Variants in PHACTR4 observed in about 807,000 individuals in gnomAD.
PHACTR4 encodes the protein phosphatase and actin regulator 4.
PHACTR4 carries 51 observed loss-of-function variants against 72.7 expected under a neutral mutation model. That is an observed-to-expected ratio of 0.70 (90% CI 0.56 to 0.89). PHACTR4 has a LOEUF of 0.89. Among genes scored for constraint, PHACTR4 ranks in the 40% least tolerant of loss-of-function variants. The probability of loss-of-function intolerance (pLI) is 0.00; values close to 1 mark genes in which losing one functional copy is unlikely to be tolerated. For missense variants in PHACTR4, 731 were observed against 861.8 expected, an observed-to-expected ratio of 0.85 and a Z score of 1.90; for synonymous variants, 255 against 302.5, an observed-to-expected ratio of 0.84 and a Z score of 1.63.
At chr1:28,479,825 G>C (rs373114774) in intron 8 of PHACTR4, among the ~76,000 whole-genome samples, 2 of 152,222 alleles carry the variant, frequency 1.3e-5, no homozygotes, top group East Asian at 3.9e-4. Context: ...CCTGGGAGGC[G>C]GAGGTTGCAA....
chr1:28,466,794 G>A (rs2124485538), intron 6 of PHACTR4, 26 bp downstream of exon 6: 1 of 1,584,612 alleles, frequency 6.3e-7, no homozygotes, highest in East Asian at 2.2e-5. Context: ...GGCTTCCAGT[G>A]TTTTGGGTTT....
intron 12 of PHACTR4, among the ~76,000 whole-genome samples, chr1:28,492,355 T>C (rs1380213587): frequency 6.6e-6 from 1 of 151,752 alleles, no homozygotes; most frequent in African/African-American, 2.4e-5. Flanking sequence ...GAGAATTGCT[T>C]GAACCTAGGA....
chr1:28,400,761 G>A (rs1653884282), intron 1 of PHACTR4, among the ~76,000 whole-genome samples: 2 of 152,030 alleles, frequency 1.3e-5, no homozygotes, highest in Non-Finnish European at 2.9e-5. Flanking sequence ...TGTAGTTTTA[G>A]TAGAGACGGG....
rs575574667 is a variant in PHACTR4 at position 28,492,599 on chromosome 1, T to C, written c.2017-416T>C. 4.0e-5 allele frequency among the ~76,000 whole-genome samples: 6 copies of C among 151,800 alleles called. No homozygotes were observed. In the South Asian group the frequency reaches 1.2e-3, roughly 32 times the overall value. On this transcript the variant is annotated intron_variant, in intron 12 of 13. Transcript: ENST00000373839. ...CAACATGGTGAAACCCTGTCTGTAC[T>C]AAAAATACAAAATAGCCGGACGTGG... is the stretch of plus-strand genomic sequence containing the variant.
intron 13 of PHACTR4, among the ~76,000 whole-genome samples, chr1:28,494,674 GC>G (rs1334675089): frequency 1.3e-5 from 2 of 152,186 alleles, no homozygotes; most frequent in Non-Finnish European, 2.9e-5. Flanking sequence ...AGAAGGACCA[GC>G]TTAAGCAAGA....
Position 28,479,293 on chromosome 1 carries a change from G to C in PHACTR4, c.1607-1158G>C, listed in dbSNP as rs77563850. On this transcript the variant is annotated intron_variant, in intron 8 of 13. Coordinates refer to ENST00000373839, the MANE Select transcript of PHACTR4 (RefSeq NM_001048183.3). Reference sequence around the variant, plus strand: ...AAATTGGCTGAGCATGGTAGCAGGCGCCTGTAATCCCAGCTACTCAGGAGG... The same window carrying C: ...AAATTGGCTGAGCATGGTAGCAGGCCCCTGTAATCCCAGCTACTCAGGAGG... Among the ~76,000 whole-genome samples the C allele has an allele frequency of 2.1e-3, 314 of 152,002 alleles. 6 individuals carry two copies. In the East Asian group the frequency reaches 0.048, roughly 23 times the overall value.
chr1:28,394,378 AAAAGAAAAG>A (rs1653313358), intron 1 of PHACTR4, among the ~76,000 whole-genome samples: 1 of 149,982 alleles, frequency 6.7e-6, no homozygotes, highest in African/African-American at 2.5e-5. Context: ...AAAAAGAAAA[AAAAGAAAAG>A]AAATCCTCCT....
At chr1:28,479,377 G>A (rs1429742103) in intron 8 of PHACTR4, among the ~76,000 whole-genome samples, 1 of 144,226 alleles carries the variant, frequency 6.9e-6, no homozygotes, top group Non-Finnish European at 1.5e-5. Flanking sequence ...CCAAGACTGT[G>A]CCACTACACT....
chr1:28,440,394 C>CTTTTTT (rs1223295576), intron 2 of PHACTR4, among the ~76,000 whole-genome samples: 969 of 83,228 alleles, frequency 0.012, 154 homozygotes, highest in African/African-American at 0.027. Context: ...TTCATCAATT[C>CTTTTTT]TTTTTTTTTT....
intron 1 of PHACTR4, among the ~76,000 whole-genome samples, chr1:28,379,446 A>T (rs971929864): frequency 7.4e-6 from 1 of 135,988 alleles, no homozygotes. Context: ...CTGATTTTTT[A>T]AAATTTTTGT....
chr1:28,475,962 G>C (rs766890213), intron 7 of PHACTR4, 145 bp from the exon 8 acceptor site: 2 of 610,814 alleles, frequency 3.3e-6, no homozygotes, highest in Non-Finnish European at 5.3e-6. Flanking sequence ...CCTGACCTCA[G>C]GTGAATTTGC....
At chr1:28,395,633 C>G (rs1653434705) in intron 1 of PHACTR4, among the ~76,000 whole-genome samples, 1 of 138,840 alleles carries the variant, frequency 7.2e-6, no homozygotes, top group African/African-American at 2.9e-5. Context: ...TTTTCTTAAG[C>G]ATAACTTTTT....
intron 2 of PHACTR4, among the ~76,000 whole-genome samples, chr1:28,419,264 G>A (rs1159181474): frequency 1.3e-5 from 2 of 151,656 alleles, no homozygotes; most frequent in African/African-American, 2.4e-5. Flanking sequence ...GATTACAGGC[G>A]TGAGCGACCG....
chr1:28,397,977 TG>T (rs1653649090), intron 1 of PHACTR4, among the ~76,000 whole-genome samples: 1 of 151,882 alleles, frequency 6.6e-6, no homozygotes, highest in Non-Finnish European at 1.5e-5. Context: ...CCTCCCAAAG[TG>T]CTGGGATTAC....
At chr1:28,462,367 C>A (rs1439808107) in intron 4 of PHACTR4, among the ~76,000 whole-genome samples, 1 of 151,872 alleles carries the variant, frequency 6.6e-6, no homozygotes, top group Non-Finnish European at 1.5e-5. Flanking sequence ...TTTCACCTTT[C>A]TTGCTCACTT....
intron 2 of PHACTR4, among the ~76,000 whole-genome samples, chr1:28,452,728 G>A (rs577600435): frequency 4.8e-4 from 73 of 152,128 alleles, no homozygotes; most frequent in African/African-American, 1.6e-3. Context: ...CCTGGGAGGC[G>A]GAGGTTGCAG....
chr1:28,460,349 G>A, intron 4 of PHACTR4, 57 bp downstream of exon 4: 2 of 1,229,626 alleles, frequency 1.6e-6, no homozygotes, highest in Non-Finnish European at 2.3e-6. Context: ...CTTTGATTGG[G>A]TCTGACGAGA....
Position 28,497,964 on chromosome 1 carries a change from C to G in PHACTR4, c.*1415C>G, listed in dbSNP as rs1217262165. ...TGAGCCGAGATCGCGCCACTGCACTCCAGCCTGGGTGACAGAGCGAGACTC... is the reference window on the plus strand; with the variant it reads ...TGAGCCGAGATCGCGCCACTGCACTGCAGCCTGGGTGACAGAGCGAGACTC... On this transcript the variant is annotated 3_prime_UTR_variant, in exon 14 of 14. Transcript: ENST00000373839. 1.3e-5 allele frequency: 2 copies of G among 149,932 alleles called. No homozygotes were observed. The highest frequency in any genetic ancestry group is 2.9e-5 in the Non-Finnish European group (2 of 67,908). The allele number at this position is 149,932 out of a possible 1,614,324, so 9.3% of individuals were successfully genotyped here.
chr1:28,453,832 G>A (rs1658160560), intron 2 of PHACTR4: 1 of 880,056 alleles, frequency 1.1e-6, no homozygotes, highest in South Asian at 1.3e-5. Flanking sequence ...AGCACAAAAG[G>A]CTTTTGAAGC....
Sources: allele counts gnomAD v4.1 joint callset (sites outside exome capture counted in the v4.1 genomes callset), GRCh38; gene constraint gnomAD v4.1.1; transcripts MANE v1.5; gene names NCBI Gene and HGNC (gene_info 2026-07-23, HGNC 2026-07-21).